Variants in FOXK2 observed in about 807,000 individuals in gnomAD.
The protein encoded by FOXK2 is forkhead box protein K2.
A neutral mutation model predicts 53.3 loss-of-function variants in FOXK2; 24 were observed. The observed-to-expected ratio is 0.45, with a 90% CI of 0.33 to 0.63. The LOEUF is 0.63. FOXK2 is among the 30% of genes least tolerant of loss of function. The pLI, the probability that FOXK2 is intolerant of heterozygous loss-of-function variation, is 0.03. For missense variants in FOXK2, 952 were observed against 910.5 expected, an observed-to-expected ratio of 1.05 and a Z score of -0.59; for synonymous variants, 505 against 407.1, an observed-to-expected ratio of 1.24 and a Z score of -2.89.
chr17:82,547,387 A>G (rs2144085139), intron 1 of FOXK2, among the ~76,000 whole-genome samples: 1 of 150,590 alleles, frequency 6.6e-6, no homozygotes, highest in Middle Eastern at 3.4e-3. Flanking sequence ...AAAAATCATA[A>G]TGTTTTAAGA....
At chr17:82,591,567 AGT>A (rs960069207) in intron 8 of FOXK2, among the ~76,000 whole-genome samples, 1 of 152,130 alleles carries the variant, frequency 6.6e-6, no homozygotes, top group Admixed American at 6.5e-5. Context: ...CTTGTTCCAG[AGT>A]GTGGGGAGGG....
chr17:82,566,059 G>C (rs998159529), intron 2 of FOXK2, among the ~76,000 whole-genome samples: 1 of 152,126 alleles, frequency 6.6e-6, no homozygotes, highest in African/African-American at 2.4e-5. Context: ...GAGGTGGCCA[G>C]GGGCTGGGGG....
chr17:82,598,174 C>A (rs568577404), intron 8 of FOXK2, among the ~76,000 whole-genome samples: 2 of 152,100 alleles, frequency 1.3e-5, no homozygotes, highest in African/African-American at 2.4e-5. Flanking sequence ...TAAACTTATT[C>A]CTTCTGTCTA....
Position 82,601,512 on chromosome 17 carries a change from C to G in FOXK2, c.*13C>G, listed in dbSNP as rs774465946. 31 of 1,590,614 alleles carry G rather than the reference C, an allele frequency of 1.9e-5. No homozygotes were observed. Among genetic ancestry groups the G allele is most frequent in the Non-Finnish European group, 2.6e-6 (3 of 1,166,472 alleles). The stretch of plus-strand genomic sequence containing the variant: ...TGTCCAGAACTAGCGACCGGGAGAG[C>G]TTTTCTTTAACGATATCAACTCTGT... On this transcript the variant is annotated 3_prime_UTR_variant, in exon 9 of 9. Transcript: ENST00000335255.
intron 8 of FOXK2, among the ~76,000 whole-genome samples, chr17:82,596,791 C>T (rs774102820): frequency 2.6e-5 from 4 of 152,180 alleles, no homozygotes; most frequent in African/African-American, 4.8e-5. Flanking sequence ...TGATCTCTGC[C>T]GATCTCCTTG....
chr17:82,524,459 A>G (rs778747146), intron 1 of FOXK2, among the ~76,000 whole-genome samples: 1 of 152,204 alleles, frequency 6.6e-6, no homozygotes, highest in Non-Finnish European at 1.5e-5. Context: ...AGAGAGAAAG[A>G]TGAGGACTAT....
intron 8 of FOXK2, among the ~76,000 whole-genome samples, chr17:82,591,172 C>T (rs1031915328): frequency 1.3e-5 from 2 of 152,212 alleles, no homozygotes; most frequent in Admixed American, 6.5e-5. Context: ...TAGGTGAGTT[C>T]CGTGGGCAGG....
At chr17:82,533,580 T>C (rs937906569) in intron 1 of FOXK2, among the ~76,000 whole-genome samples, 1 of 152,220 alleles carries the variant, frequency 6.6e-6, no homozygotes, top group Non-Finnish European at 1.5e-5. Context: ...TCGTATGTGC[T>C]GTACTTTCAT....
Position 82,568,126 on chromosome 17 carries a change from A to G in FOXK2, c.687A>G (p.Pro229=). The G allele has an allele frequency of 6.2e-7, 1 of 1,613,944 alleles. No individual in the cohort carries two copies. Among genetic ancestry groups the G allele is most frequent in the Non-Finnish European group, 8.5e-7 (1 of 1,180,010 alleles). ...SSGYKVGRVM[P]SDLNLMADNS... ...GGTACAAGGTGGGCCGAGTGATGCC[A>G]TCTGACCTCAATTTAATGGCTGACA... Residue 229 remains proline (P), a synonymous_variant, in exon 3 of 9, where the codon CCA becomes CCG. Transcript: ENST00000335255.
chr17:82,554,772 T>G (rs1017733476), intron 1 of FOXK2, among the ~76,000 whole-genome samples: 1 of 149,086 alleles, frequency 6.7e-6, no homozygotes, highest in Non-Finnish European at 1.5e-5. Flanking sequence ...CAAGACAGAG[T>G]CTCGCTCTGT....
intron 1 of FOXK2, among the ~76,000 whole-genome samples, chr17:82,521,005 A>G (rs989674115): frequency 6.6e-6 from 1 of 152,194 alleles, no homozygotes; most frequent in African/African-American, 2.4e-5. Context: ...CTGATAGGGA[A>G]CTGCCTATCC....
At chr17:82,585,508 A>G (rs931393497) in intron 6 of FOXK2, among the ~76,000 whole-genome samples, 1 of 152,106 alleles carries the variant, frequency 6.6e-6, no homozygotes, top group African/African-American at 2.4e-5. Flanking sequence ...TCGTAGAGAC[A>G]GGGTCTCCCT....
At chr17:82,585,827 G>A (rs1002410329) in intron 6 of FOXK2, 77 bp from the exon 7 acceptor site, 1 of 1,436,868 alleles carries the variant, frequency 7.0e-7, no homozygotes, top group Admixed American at 1.9e-5. Context: ...TATGTTGCTT[G>A]TCAGTGCTGA....
intron 1 of FOXK2, among the ~76,000 whole-genome samples, chr17:82,542,655 G>T (rs1297958154): frequency 6.6e-6 from 1 of 152,132 alleles, no homozygotes. Context: ...AGAAACAGCA[G>T]AGGACCCTGC....
intron 4 of FOXK2, among the ~76,000 whole-genome samples, chr17:82,573,500 G>T (rs1341988383): frequency 6.6e-6 from 1 of 151,692 alleles, no homozygotes; most frequent in Non-Finnish European, 1.5e-5. Context: ...CTATAAAACT[G>T]AGGCTGTGCT....
intron 4 of FOXK2, among the ~76,000 whole-genome samples, chr17:82,580,163 T>G (rs2045041822): frequency 7.3e-6 from 1 of 137,430 alleles, no homozygotes; most frequent in African/African-American, 2.8e-5. Flanking sequence ...CCTCTCCATG[T>G]CGCCGGTGAA....
chr17:82,562,329 C>T (rs55969228), intron 1 of FOXK2, among the ~76,000 whole-genome samples: 27,541 of 152,110 alleles, frequency 0.18, 2,807 homozygotes, highest in Non-Finnish European at 0.23. Context: ...GCCTGTAATC[C>T]CAGCACTTTG....
At chr17:82,568,258 C>T (rs1307494779) in intron 3 of FOXK2, 57 bp downstream of exon 3, 8 of 1,592,524 alleles carry the variant, frequency 5.0e-6, no homozygotes, top group Non-Finnish European at 6.8e-6. Context: ...GCCACAGGGC[C>T]CTCAATGTCA....
At chr17:82,549,796 G>A (rs867973790) in intron 1 of FOXK2, among the ~76,000 whole-genome samples, 1 of 152,330 alleles carries the variant, frequency 6.6e-6, no homozygotes, top group Non-Finnish European at 1.5e-5. Context: ...CTACAGAAGC[G>A]GATCTGCCTG....
Sources: gnomAD v4.1 joint callset for allele counts (sites outside exome capture counted in the v4.1 genomes callset) on GRCh38, gnomAD v4.1.1 for gene constraint, MANE v1.5 for transcripts, NCBI Gene and HGNC (gene_info 2026-07-23, HGNC 2026-07-21) for gene names.